Variants in CDC14B observed in about 807,000 individuals in gnomAD.
CDC14B encodes cell division cycle 14B.
In CDC14B, 22 loss-of-function variants were observed where a neutral mutation model predicts 64.2. The observed-to-expected ratio is 0.34, with a 90% confidence interval of 0.24 to 0.49. The LOEUF is 0.49. Ranked by LOEUF, CDC14B falls within the 20% of genes least tolerant of loss-of-function variation. CDC14B has a pLI of 0.99. For synonymous variants in CDC14B, 191 were observed against 215.8 expected, an observed-to-expected ratio of 0.89 and a Z score of 1.01; for missense variants, 498 against 629.9, an observed-to-expected ratio of 0.79 and a Z score of 2.24.
At chr9:96,523,898 C>T (rs1837164300) in intron 9 of CDC14B, among the ~76,000 whole-genome samples, 173 bp from the exon 10 acceptor site, 1 of 152,118 alleles carries the variant, frequency 6.6e-6, no homozygotes, top group Admixed American at 6.5e-5. Flanking sequence ...TACTGATGCC[C>T]GGTCTCACAT....
At chr9:96,525,612 A>G (rs973690953) in intron 9 of CDC14B, among the ~76,000 whole-genome samples, 8 of 152,206 alleles carry the variant, frequency 5.3e-5, no homozygotes, top group African/African-American at 1.9e-4. Flanking sequence ...ATGATTCTCT[A>G]GCCTTAAGAT....
At chr9:96,605,962 T>A (rs920047819) in intron 1 of CDC14B, among the ~76,000 whole-genome samples, 3 of 152,094 alleles carry the variant, frequency 2.0e-5, no homozygotes, top group African/African-American at 7.2e-5. Context: ...CACAAAAAAT[T>A]GGCTTTTTCT....
chr9:96,543,139 T>A (rs962900719), intron 5 of CDC14B, among the ~76,000 whole-genome samples: 2 of 152,022 alleles, frequency 1.3e-5, no homozygotes, highest in Non-Finnish European at 2.9e-5. Flanking sequence ...GATCGAGATC[T>A]TCCTGGCTAA....
At chr9:96,521,535 GA>G (rs777337177) in intron 12 of CDC14B, among the ~76,000 whole-genome samples, 3 of 152,170 alleles carry the variant, frequency 2.0e-5, no homozygotes, top group Non-Finnish European at 4.4e-5. Flanking sequence ...GGTCTTTTAA[GA>G]AGAACCTCCC....
At chr9:96,512,080 G>A (rs111560761) in intron 12 of CDC14B, among the ~76,000 whole-genome samples, 37 of 151,922 alleles carry the variant, frequency 2.4e-4, no homozygotes, top group African/African-American at 6.3e-4. Flanking sequence ...TTAGCCGGGC[G>A]TGGTGGGGCG....
intron 9 of CDC14B, among the ~76,000 whole-genome samples, chr9:96,531,308 T>G (rs1838444391): frequency 6.6e-6 from 1 of 152,176 alleles, no homozygotes; most frequent in African/African-American, 2.4e-5. Context: ...TTACTTAATC[T>G]CCTTATTAGT....
chr9:96,494,537 C>A (rs1185977650), intron 13 of CDC14B, among the ~76,000 whole-genome samples: 1 of 137,986 alleles, frequency 7.2e-6, no homozygotes, highest in Non-Finnish European at 1.5e-5. Flanking sequence ...TCCTGTTGCT[C>A]CTGGAAAGCT....
chr9:96,555,299 T>C (rs1011586230), intron 4 of CDC14B, among the ~76,000 whole-genome samples: 6 of 152,152 alleles, frequency 3.9e-5, no homozygotes, highest in African/African-American at 1.4e-4. Context: ...TACAGCAAGC[T>C]GTTATTTTGG....
chr9:96,616,306 C>G (rs529603334), intron 1 of CDC14B, among the ~76,000 whole-genome samples: 294 of 151,344 alleles, frequency 1.9e-3, no homozygotes, highest in South Asian at 4.4e-3. Context: ...ACCCGGGCAA[C>G]AGAGCAAGAC....
intron 1 of CDC14B, among the ~76,000 whole-genome samples, chr9:96,588,894 A>G (rs1227341229): frequency 6.6e-6 from 1 of 152,238 alleles, no homozygotes; most frequent in African/African-American, 2.4e-5. Flanking sequence ...CTATTTTATA[A>G]CAAAGTGATG....
rs1020344028 is a variant in CDC14B, at chr9:96,560,587, T to C, written c.420+2106A>G. On this transcript the variant is annotated intron_variant, in intron 4 of 13. Coordinates refer to ENST00000375241, the MANE Select transcript of CDC14B (RefSeq NM_033331.4). ...ATACATAGACTTTTCTCTTTCTCTT[T>C]TTTTTTTTTTTTTTGAGACGGGGTC... 6.1e-5 allele frequency among the ~76,000 whole-genome samples: 9 copies of C among 147,198 alleles called. 1 individual carries two copies. In the East Asian group the frequency reaches 1.6e-3, roughly 26 times the overall value.
chr9:96,568,922 G>GA (rs61084994), intron 1 of CDC14B, among the ~76,000 whole-genome samples: 7,201 of 134,074 alleles, frequency 0.054, 568 homozygotes, highest in African/African-American at 0.18. Context: ...CATCTCAAAA[G>GA]AAAAAAAAAA....
At chr9:96,532,781 A>C (rs1158591798) in intron 9 of CDC14B, among the ~76,000 whole-genome samples, 1 of 152,082 alleles carries the variant, frequency 6.6e-6, no homozygotes, top group Non-Finnish European at 1.5e-5. Context: ...GTTTTAGTAC[A>C]TTTCCAGAAT....
At chr9:96,513,068 C>T (rs1407856374) in intron 12 of CDC14B, among the ~76,000 whole-genome samples, 3 of 152,184 alleles carry the variant, frequency 2.0e-5, no homozygotes, top group Non-Finnish European at 4.4e-5. Context: ...ATCCTGTAGT[C>T]ATTCTCAGGC....
intron 7 of CDC14B, among the ~76,000 whole-genome samples, chr9:96,538,001 T>C (rs992589410): frequency 1.3e-5 from 2 of 152,214 alleles, no homozygotes; most frequent in African/African-American, 4.8e-5. Flanking sequence ...ATTACAGGCA[T>C]GAGCCACTGC....
Position 96,576,748 on chromosome 9 carries a change from C to T in CDC14B, c.161-11265G>A, listed in dbSNP as rs376067524. On this transcript the variant is annotated intron_variant, in intron 1 of 13. Transcript: ENST00000375241. The stretch of plus-strand genomic sequence containing the variant: ...TGAAAATAGGAGTAATTAGTACATC[C>T]ATAATCATAGAAGACTAAACACACT... Among the ~76,000 whole-genome samples, 271 of 151,768 alleles carry T rather than the reference C, an allele frequency of 1.8e-3. 4 individuals are homozygous for T. Among genetic ancestry groups the T allele is most frequent in the Non-Finnish European group, 9.0e-4 (61 of 67,938 alleles).
At chr9:96,546,920 G>C (rs1037516318) in intron 5 of CDC14B, among the ~76,000 whole-genome samples, 2 of 151,976 alleles carry the variant, frequency 1.3e-5, no homozygotes, top group Non-Finnish European at 2.9e-5. Context: ...AAATTAGCTG[G>C]GCGTGGTGGC....
chr9:96,499,012 T>A (rs559222418), downstream of CDC14B, among the ~76,000 whole-genome samples: 4 of 152,268 alleles, frequency 2.6e-5, 1 homozygote, highest in South Asian at 8.3e-4. Flanking sequence ...AAACAATGCC[T>A]CCAAGCCGGC....
intron 1 of CDC14B, among the ~76,000 whole-genome samples, chr9:96,565,800 C>T (rs995267510): frequency 2.0e-5 from 3 of 152,206 alleles, no homozygotes; most frequent in Admixed American, 2.0e-4. Context: ...CAGCAAATTG[C>T]AGCATGCATG....
Sources: gnomAD v4.1 joint callset for allele counts (sites outside exome capture counted in the v4.1 genomes callset) on GRCh38, gnomAD v4.1.1 for gene constraint, MANE v1.5 for transcripts, NCBI Gene and HGNC (gene_info 2026-07-23, HGNC 2026-07-21) for gene names.